Variants in LIMA1 observed in about 807,000 individuals in gnomAD.
The protein encoded by LIMA1 is LIM domain and actin-binding protein 1.
In LIMA1, 52 loss-of-function variants were observed where a neutral mutation model predicts 62.6. The observed-to-expected ratio is 0.83, with a 90% CI of 0.67 to 1.05. The LOEUF (loss-of-function observed/expected upper bound fraction) is 1.05. LIMA1 is among the 50% of genes least tolerant of loss of function. The pLI, the probability that LIMA1 is intolerant of heterozygous loss-of-function variation, is 0.00. For missense variants in LIMA1, 780 were observed against 902.2 expected, an observed-to-expected ratio of 0.86 and a Z score of 1.74; for synonymous variants, 302 against 317.8, an observed-to-expected ratio of 0.95 and a Z score of 0.53.
Position 50,204,613 on chromosome 12 carries a change from T to G in LIMA1, c.803A>C (p.Lys268Thr), listed in dbSNP as rs1279551010. 1.2e-6 allele frequency: 2 copies of G among 1,614,242 alleles called. No homozygotes were observed. The highest frequency in any genetic ancestry group is 4.5e-5 in the East Asian group (2 of 44,894). ...TGCCTGGTACTTGGCCATTCGATCC[T>G]TTATAGAGGTTTCTGAGAGGCGTGG... ...ELPRLSETSI[K>T]DRMAKYQAAV... Residue 268 changes from lysine (K) to threonine (T), a missense_variant, in exon 6 of 11, where the codon AAG becomes ACG. Transcript: ENST00000341247.
chr12:50,235,804 C>G (rs1941683600), intron 2 of LIMA1, among the ~76,000 whole-genome samples: 1 of 152,044 alleles, frequency 6.6e-6, no homozygotes, highest in Non-Finnish European at 1.5e-5. Flanking sequence ...ATTAATTTCC[C>G]TAGAATATAA....
intron 7 of LIMA1, among the ~76,000 whole-genome samples, chr12:50,197,342 T>C (rs1040561493): frequency 4.6e-5 from 7 of 152,092 alleles, no homozygotes; most frequent in African/African-American, 1.7e-4. Context: ...AGTGCTAGGA[T>C]TACAGGCGTG....
intron 1 of LIMA1, among the ~76,000 whole-genome samples, chr12:50,279,745 A>G (rs1271038507): frequency 6.6e-6 from 1 of 152,250 alleles, no homozygotes; most frequent in East Asian, 1.9e-4. Context: ...ACCACTGGAT[A>G]CTATGCATGG....
At chr12:50,249,499 T>C (rs1413917194) in intron 1 of LIMA1, among the ~76,000 whole-genome samples, 3 of 152,204 alleles carry the variant, frequency 2.0e-5, no homozygotes, top group African/African-American at 7.2e-5. Context: ...ATTCTCATTT[T>C]AAAGCCTTTA....
At chr12:50,235,273 C>CTTTTTTT (rs1036341264) in intron 2 of LIMA1, among the ~76,000 whole-genome samples, 2 of 124,370 alleles carry the variant, frequency 1.6e-5, no homozygotes, top group African/African-American at 3.1e-5. Context: ...AATCCTATCA[C>CTTTTTTT]TTTTTTTTTT....
At chr12:50,218,536 C>T (rs1941388041) in intron 4 of LIMA1, among the ~76,000 whole-genome samples, 1 of 152,168 alleles carries the variant, frequency 6.6e-6, no homozygotes, top group Non-Finnish European at 1.5e-5. Flanking sequence ...AAACACTTCC[C>T]ATGGCGTGCT....
Position 50,232,043 on chromosome 12 carries a change from C to CTTTT in LIMA1, c.120-337_120-334dup, listed in dbSNP as rs750844822. Among the ~76,000 whole-genome samples, 427 of 83,452 alleles carry CTTTT rather than the reference C, an allele frequency of 5.1e-3. 8 individuals are homozygous for CTTTT. Among genetic ancestry groups the CTTTT allele is most frequent in the Non-Finnish European group, 6.3e-3 (290 of 45,686 alleles). 54.7% of individuals were successfully genotyped at this position (83,452 alleles called of 152,430 possible). A position where few individuals can be genotyped will look rare whatever the true frequency, so the allele number is the denominator to read the frequency against. On this transcript the variant is annotated intron_variant, in intron 2 of 10. Coordinates refer to ENST00000341247, the MANE Select transcript of LIMA1 (RefSeq NM_016357.5). ...TCGGCCTCCCAAAGTGAGTGCCCAG[C>CTTTT]TTTTTTTTTTTTTTTTTTTTTTTTG...
At chr12:50,252,496 T>A (rs6580732) in intron 1 of LIMA1, among the ~76,000 whole-genome samples, 15 of 150,292 alleles carry the variant, frequency 1.0e-4, no homozygotes, top group African/African-American at 2.5e-4. Context: ...CAAGAGACTC[T>A]CTCGAACCTG....
intron 9 of LIMA1, among the ~76,000 whole-genome samples, chr12:50,184,712 C>T (rs766905315): frequency 1.3e-5 from 2 of 152,096 alleles, no homozygotes; most frequent in East Asian, 1.9e-4. Context: ...ATAATGGATG[C>T]TACTGGAGAG....
At position 50,193,526 on chromosome 12, in the gene LIMA1, ACATATATGATATATATATACATATATAT is replaced by A. The variant is rs1217703724; in HGVS notation, c.1031-993_1031-966del. Among the ~76,000 whole-genome samples, 1,026 of 138,228 alleles carry A rather than the reference ACATATATGATATATATATACATATATAT, an allele frequency of 7.4e-3. 9 individuals carry two copies. The highest frequency in any genetic ancestry group is 0.025 in the African/African-American group (956 of 37,514). 90.7% of individuals were successfully genotyped at this position (138,228 alleles called of 152,430 possible). On this transcript the variant is annotated intron_variant, in intron 8 of 10. Coordinates refer to ENST00000341247, the MANE Select transcript of LIMA1 (RefSeq NM_016357.5). ...ATATGTGTATATATGATATATATAC[ACATATATGATATATATATACATATATAT>A]CATATATGTATATATGATATATATA...
At chr12:50,215,599 A>T (rs879359152) in intron 4 of LIMA1, among the ~76,000 whole-genome samples, 11 of 151,812 alleles carry the variant, frequency 7.2e-5, no homozygotes, top group Non-Finnish European at 1.6e-4. Flanking sequence ...CCTTCCGAGT[A>T]GCTGGGACTA....
chr12:50,279,586 C>G (rs1361804278), intron 1 of LIMA1, among the ~76,000 whole-genome samples: 2 of 152,032 alleles, frequency 1.3e-5, no homozygotes, highest in Non-Finnish European at 2.9e-5. Context: ...GGCAAAAAGA[C>G]TGAGTTAATG....
At chr12:50,259,181 T>C (rs1210298300) in intron 1 of LIMA1, among the ~76,000 whole-genome samples, 3 of 152,192 alleles carry the variant, frequency 2.0e-5, no homozygotes, top group Non-Finnish European at 4.4e-5. Context: ...CCATTTGAAA[T>C]GTTATCCCGT....
At chr12:50,227,586 T>C (rs1427092022) in intron 3 of LIMA1, among the ~76,000 whole-genome samples, 1 of 152,094 alleles carries the variant, frequency 6.6e-6, no homozygotes, top group Non-Finnish European at 1.5e-5. Context: ...ATTGTCTATC[T>C]TGGTGAATGC....
chr12:50,207,614 C>A (rs1941176949), intron 4 of LIMA1, among the ~76,000 whole-genome samples: 1 of 152,146 alleles, frequency 6.6e-6, no homozygotes, highest in African/African-American at 2.4e-5. Context: ...TGAGACTGGG[C>A]ATGGTGGCTC....
intron 1 of LIMA1, among the ~76,000 whole-genome samples, chr12:50,263,785 C>CTGTGTGTGTGTG (rs3073660): frequency 1.7e-4 from 22 of 131,376 alleles, no homozygotes; most frequent in Admixed American, 4.2e-4. Context: ...TTCCATTCCT[C>CTGTGTGTGTGTG]TGTGTGTGTG....
chr12:50,225,386 G>A (rs1941512501), intron 3 of LIMA1, among the ~76,000 whole-genome samples: 1 of 152,006 alleles, frequency 6.6e-6, no homozygotes, highest in Admixed American at 6.6e-5. Flanking sequence ...TCCCAACCTA[G>A]ATACCCAGTC....
chr12:50,260,050 C>G (rs1434422678), intron 1 of LIMA1, among the ~76,000 whole-genome samples: 1 of 152,150 alleles, frequency 6.6e-6, no homozygotes, highest in Admixed American at 6.5e-5. Context: ...TCTGAGCGAG[C>G]TCACTTACTC....
rs1168784996 is a variant in LIMA1, at chr12:50,247,227, C to T, written c.119+1406G>A. ...AGAAGGTGGAGTCAAATTGCCCTTC[C>T]CCGAAATGAGTCAGCTTTAGTGACT... On this transcript the variant is annotated intron_variant, in intron 2 of 10. Coordinates refer to ENST00000341247, the MANE Select transcript of LIMA1 (RefSeq NM_016357.5). Among the ~76,000 whole-genome samples, 3 of 152,198 alleles carry T rather than the reference C, an allele frequency of 2.0e-5. No individual in the cohort carries two copies. In the East Asian group the frequency reaches 5.8e-4, roughly 29 times the overall value.
Sources: gnomAD v4.1 joint callset for allele counts (sites outside exome capture counted in the v4.1 genomes callset) on GRCh38, gnomAD v4.1.1 for gene constraint, MANE v1.5 for transcripts, NCBI Gene and HGNC (gene_info 2026-07-23, HGNC 2026-07-21) for gene names.